Variants in ADGRV1 observed in about 807,000 individuals in gnomAD.
ADGRV1 encodes the protein G-protein coupled receptor 98.
ADGRV1 carries 359 observed loss-of-function variants against 596.2 expected under a neutral mutation model. The observed-to-expected ratio is 0.60, with a 90% CI of 0.55 to 0.66. The LOEUF (loss-of-function observed/expected upper bound fraction) is 0.66. ADGRV1 is among the 30% of genes least tolerant of loss of function. The probability of loss-of-function intolerance (pLI) is 0.00; values close to 1 mark genes in which losing one functional copy is unlikely to be tolerated. For missense variants in ADGRV1, 7,274 were observed against 7,575.6 expected (o/e 0.96, Z 1.48); for synonymous variants, 2,681 against 2,679.2 (o/e 1.00, Z -0.02).
intron 87 of ADGRV1, among the ~76,000 whole-genome samples, chr5:91,111,380 C>A (rs1389572419): frequency 2.0e-5 from 3 of 152,052 alleles, no homozygotes; most frequent in South Asian, 4.2e-4. Flanking sequence ...TTTGAGGTAT[C>A]GTAAGAAATG....
chr5:90,890,029 T>C (rs1770660319), intron 83 of ADGRV1, among the ~76,000 whole-genome samples: 1 of 152,166 alleles, frequency 6.6e-6, no homozygotes, highest in African/African-American at 2.4e-5. Flanking sequence ...GCTCATTATA[T>C]TGATACACTA....
At chr5:90,907,505 T>G (rs922190123) in intron 83 of ADGRV1, among the ~76,000 whole-genome samples, 1 of 152,120 alleles carries the variant, frequency 6.6e-6, no homozygotes, top group East Asian at 1.9e-4. Flanking sequence ...CATCCTTCCC[T>G]TTCTCACACC....
At chr5:91,105,025 T>TTTTGTTTGTTTG (rs563352412) in intron 87 of ADGRV1, among the ~76,000 whole-genome samples, 2 of 151,772 alleles carry the variant, frequency 1.3e-5, no homozygotes, top group African/African-American at 4.8e-5. Context: ...GCCTGGCTAA[T>TTTTGTTTGTTTG]TTTGTTTGTT....
At chr5:91,019,165 C>T (rs1321194269) in intron 85 of ADGRV1, among the ~76,000 whole-genome samples, 1 of 151,854 alleles carries the variant, frequency 6.6e-6, no homozygotes, top group African/African-American at 2.4e-5. Context: ...GGTCATATGC[C>T]CATGGCTAGA....
chr5:90,814,145 G>A (rs924183882), intron 74 of ADGRV1, among the ~76,000 whole-genome samples: 2 of 152,180 alleles, frequency 1.3e-5, no homozygotes, highest in Non-Finnish European at 2.9e-5. Flanking sequence ...ACCAGGCTAC[G>A]AAGTGATTGC....
chr5:91,052,191 T>G (rs1042707197), intron 85 of ADGRV1, among the ~76,000 whole-genome samples: 1 of 152,072 alleles, frequency 6.6e-6, no homozygotes, highest in East Asian at 1.9e-4. Flanking sequence ...GTCTCTGCAG[T>G]GAGTTTTTAT....
chr5:90,756,613 A>G lies in ADGRV1; in HGVS notation c.11740A>G (p.Met3914Val), dbSNP rs774827772. Reference protein sequence around the residue: ...EENDDPRGIFMFHVTRGAGEV... With the variant: ...EENDDPRGIFVFHVTRGAGEV... ...AAATGACGATCCCAGAGGAATTTTT[A>G]TGTTTCATGTTACTAGAGTGAGATG... The change falls in exon 56 of 90, where the codon ATG (methionine) becomes GTG (valine). Residue 3914 changes from methionine to valine, a missense_variant. Physicochemically the swap from Met to Val is conservative, Grantham distance 21 (BLOSUM62 1). Transcript: ENST00000405460. 1.9e-6 allele frequency: 3 copies of G among 1,613,532 alleles called. No homozygotes were observed. The highest frequency in any genetic ancestry group is 2.5e-6 in the Non-Finnish European group (3 of 1,179,524).
At position 90,774,248 on chromosome 5, in the gene ADGRV1, G is replaced by T. The variant is rs746052832; in HGVS notation, c.12348G>T (p.Arg4116Ser). ...TLQDTVLEED[R>S]RFTIQLISID... ...AAGACACAGTGTTGGAGGAGGACAG[G>T]CGTTTCACCATTCAGCTGATATCAA... Residue 4116 changes from arginine to serine, a missense_variant, in exon 60 of 90, where the codon AGG becomes AGT. Physicochemically the swap from Arg to Ser is moderately radical, Grantham distance 110. Transcript: ENST00000405460. 2 of 1,611,334 alleles carry T rather than the reference G, an allele frequency of 1.2e-6. No homozygotes were observed. Among genetic ancestry groups the T allele is most frequent in the Non-Finnish European group, 1.7e-6 (2 of 1,177,724 alleles).
At chr5:90,722,439 G>A (rs1014596442) in intron 45 of ADGRV1, among the ~76,000 whole-genome samples, 12 of 151,324 alleles carry the variant, frequency 7.9e-5, no homozygotes, top group Admixed American at 5.3e-4. Flanking sequence ...GGCCGGGCGC[G>A]GTGGTTCATG....
intron 84 of ADGRV1, among the ~76,000 whole-genome samples, chr5:90,982,050 T>C (rs555737665): frequency 1.3e-5 from 2 of 152,316 alleles, no homozygotes; most frequent in Admixed American, 1.3e-4. Context: ...ATCATGCGAC[T>C]GCACTCCAGC....
intron 86 of ADGRV1, 79 bp downstream of exon 86, chr5:91,072,683 A>G (rs1354102830): frequency 2.1e-6 from 3 of 1,447,516 alleles, no homozygotes; most frequent in Non-Finnish European, 1.9e-6. Flanking sequence ...TTTTTTTATC[A>G]AAAAGAGGGA....
intron 32 of ADGRV1, among the ~76,000 whole-genome samples, chr5:90,693,224 G>GTATAGTCA (rs3045846): frequency 0.015 from 2,316 of 151,058 alleles, 45 homozygotes; most frequent in African/African-American, 0.053. Context: ...CTTGTGACAA[G>GTATAGTCA]TCCCTGGTAT....
chr5:91,047,649 A>G (rs781050829), intron 85 of ADGRV1, among the ~76,000 whole-genome samples: 12 of 152,162 alleles, frequency 7.9e-5, no homozygotes, highest in Non-Finnish European at 1.2e-4. Context: ...TCCTTTGGCA[A>G]CACCCTCACA....
At chr5:90,634,774 G>A (rs1219266673) in intron 9 of ADGRV1, among the ~76,000 whole-genome samples, 1 of 151,686 alleles carries the variant, frequency 6.6e-6, no homozygotes, top group East Asian at 2.0e-4. Flanking sequence ...TATATGTAAG[G>A]TGTTTGTGTG....
intron 75 of ADGRV1, among the ~76,000 whole-genome samples, chr5:90,823,123 C>A (rs1408093160): frequency 7.2e-5 from 11 of 152,164 alleles, no homozygotes; most frequent in Non-Finnish European, 1.2e-4. Context: ...CCCTTTATTT[C>A]CTTCTCGAAA....
In ADGRV1 at chr5:90,978,658, A is replaced by G. The variant is rs138261845; in HGVS notation, c.17974-6686A>G. Reference sequence around the variant, plus strand: ...AATTACCCTGATTTGATTATTACAGATTGTATGCCTGTATCAAAACATCAC... The same window carrying G: ...AATTACCCTGATTTGATTATTACAGGTTGTATGCCTGTATCAAAACATCAC... On this transcript the variant is annotated intron_variant, in intron 84 of 89. Transcript: ENST00000405460. 2.2e-3 allele frequency among the ~76,000 whole-genome samples: 333 copies of G among 152,268 alleles called. 1 individual carries two copies. The highest frequency in any genetic ancestry group is 7.7e-3 in the African/African-American group (321 of 41,562).
chr5:90,608,618 A>G lies in ADGRV1; in HGVS notation c.23-6217A>G, dbSNP rs558385416. ...AAGGATAATATTGTGATAATGCCTA[A>G]CATACAAGACCTAAAACATTTATCT... is the stretch of plus-strand genomic sequence containing the variant. On this transcript the variant is annotated intron_variant, in intron 1 of 89. Coordinates refer to ENST00000405460, the MANE Select transcript of ADGRV1 (RefSeq NM_032119.4). Among the ~76,000 whole-genome samples, 39 of 152,266 alleles carry G rather than the reference A, an allele frequency of 2.6e-4. 1 individual carries two copies. In the South Asian group the frequency reaches 7.5e-3, roughly 29 times the overall value.
At chr5:90,945,025 C>A (rs1776453343) in intron 83 of ADGRV1, among the ~76,000 whole-genome samples, 1 of 152,034 alleles carries the variant, frequency 6.6e-6, no homozygotes, top group Non-Finnish European at 1.5e-5. Flanking sequence ...TATTTTTAGG[C>A]CATGACTAAA....
intron 70 of ADGRV1, among the ~76,000 whole-genome samples, chr5:90,795,484 G>A (rs1293646182): frequency 1.3e-5 from 2 of 152,220 alleles, no homozygotes; most frequent in African/African-American, 4.8e-5. Context: ...TGAAAAAAAG[G>A]CAGCAGCCCC....
Sources: gnomAD v4.1 joint callset for allele counts (sites outside exome capture counted in the v4.1 genomes callset) on GRCh38, gnomAD v4.1.1 for gene constraint, MANE v1.5 for transcripts, NCBI Gene and HGNC (gene_info 2026-07-23, HGNC 2026-07-21) for gene names.